The following CSMD1 variants were observed in gnomAD, a reference collection of about 807,000 sequenced individuals.
CSMD1 encodes the protein CUB and sushi domain-containing protein 1.
A neutral mutation model predicts 417.5 loss-of-function variants in CSMD1; 213 were observed. The observed-to-expected ratio is 0.51, with a 90% confidence interval of 0.46 to 0.57. The LOEUF (loss-of-function observed/expected upper bound fraction) is 0.57. Ranked by LOEUF, CSMD1 falls within the 20% of genes least tolerant of loss-of-function variation. The pLI, the probability that CSMD1 is intolerant of heterozygous loss-of-function variation, is 0.00. For synonymous variants in CSMD1, 2,862 were observed against 1,736.8 expected (o/e 1.65, Z -16.11); for missense variants, 6,923 against 4,529.7 (o/e 1.53, Z -15.17).
chr8:3,225,513 C>T (rs1294709287), intron 27 of CSMD1, among the ~76,000 whole-genome samples: 2 of 151,904 alleles, frequency 1.3e-5, no homozygotes, highest in Admixed American at 1.3e-4. Flanking sequence ...CAAGCGTGGA[C>T]CGATCAGGGA....
At chr8:3,469,393 T>G (rs1257891072) in intron 11 of CSMD1, among the ~76,000 whole-genome samples, 2 of 152,198 alleles carry the variant, frequency 1.3e-5, no homozygotes, top group Non-Finnish European at 2.9e-5. Flanking sequence ...ACAACATGCA[T>G]AGCTGAAATA....
At chr8:4,568,862 T>C (rs1316076969) in intron 2 of CSMD1, among the ~76,000 whole-genome samples, 1 of 152,234 alleles carries the variant, frequency 6.6e-6, no homozygotes, top group Non-Finnish European at 1.5e-5. Flanking sequence ...TGCATTTCTC[T>C]AATGACTAGT....
intron 12 of CSMD1, among the ~76,000 whole-genome samples, chr8:3,448,263 C>A (rs554920897): frequency 1.2e-4 from 12 of 98,182 alleles, no homozygotes. Context: ...CAAGACCATC[C>A]TTGGACAAAA....
chr8:4,547,592 C>A (rs1218641639), intron 2 of CSMD1, among the ~76,000 whole-genome samples: 1 of 152,118 alleles, frequency 6.6e-6, no homozygotes, highest in Non-Finnish European at 1.5e-5. Context: ...CAAGTAATGC[C>A]TGTGTCATTC....
intron 50 of CSMD1, chr8:3,043,699 T>C (rs137945024): frequency 1.7e-4 from 26 of 152,294 alleles, no homozygotes; most frequent in Admixed American, 1.4e-3. Flanking sequence ...TTAAACATAT[T>C]ATTAACTGAA....
Position 2,937,201 on chromosome 8 carries a change from A to T in CSMD1, c.*1384T>A, listed in dbSNP as rs1801541956. 6.6e-6 allele frequency: 1 copy of T among 152,160 alleles called. No individual in the cohort carries two copies. Among genetic ancestry groups the T allele is most frequent in the Non-Finnish European group, 1.5e-5 (1 of 68,032 alleles). The allele number at this position is 152,160 out of a possible 1,614,324, so 9.4% of individuals were successfully genotyped here. ...TAACTTATCATTTACCTATAATGGA[A>T]TTTAAACTTGAAAAGTCACTGAAAT... On this transcript the variant is annotated 3_prime_UTR_variant, in exon 70 of 70. Coordinates refer to ENST00000635120, the MANE Select transcript of CSMD1 (RefSeq NM_033225.6).
intron 1 of CSMD1, among the ~76,000 whole-genome samples, chr8:4,984,473 A>G (rs963398636): frequency 3.3e-5 from 5 of 152,186 alleles, no homozygotes; most frequent in African/African-American, 9.6e-5. Context: ...TTATAGGACC[A>G]TTTACCTGCT....
rs1034589382 is a variant in CSMD1, at chr8:4,923,061, A to G, written c.85+71271T>C. On this transcript the variant is annotated intron_variant, in intron 1 of 69. Coordinates refer to ENST00000635120, the MANE Select transcript of CSMD1 (RefSeq NM_033225.6). ...CAGGCATAACTCCAAGAATTTTCCA[A>G]CTTAGGGGAACAATCTTAAAAAATG... is the stretch of plus-strand genomic sequence containing the variant. 3.9e-5 allele frequency among the ~76,000 whole-genome samples: 6 copies of G among 152,180 alleles called. No homozygotes were observed. In the East Asian group the frequency reaches 7.7e-4, roughly 20 times the overall value.
intron 7 of CSMD1, among the ~76,000 whole-genome samples, chr8:3,670,445 T>A (rs1248782345): frequency 2.7e-5 from 4 of 150,388 alleles, no homozygotes; most frequent in Non-Finnish European, 5.9e-5. Context: ...CCTTTATATA[T>A]ATATAAATAT....
At chr8:4,296,872 C>A (rs570764494) in intron 3 of CSMD1, among the ~76,000 whole-genome samples, 2 of 151,842 alleles carry the variant, frequency 1.3e-5, no homozygotes, top group South Asian at 2.1e-4. Context: ...CTTAGACTCC[C>A]AATTTTTTTA....
At chr8:4,127,139 T>C (rs1460587327) in intron 3 of CSMD1, among the ~76,000 whole-genome samples, 1 of 152,124 alleles carries the variant, frequency 6.6e-6, no homozygotes, top group Non-Finnish European at 1.5e-5. Flanking sequence ...CTCTGATCCA[T>C]CTTTGCATCT....
intron 3 of CSMD1, among the ~76,000 whole-genome samples, chr8:4,200,967 T>A (rs1173088987): frequency 6.6e-6 from 1 of 152,190 alleles, no homozygotes; most frequent in African/African-American, 2.4e-5. Context: ...CAGAAAGTTG[T>A]CTTATTAGTT....
At position 3,107,393 on chromosome 8, in the gene CSMD1, T is replaced by G. The variant is rs200368270; in HGVS notation, c.6835+325A>C. On this transcript the variant is annotated intron_variant, in intron 45 of 69. Transcript: ENST00000635120. ...GTGTCCCCCTAACTGAAAGCAAATA[T>G]CTGCCCAAGTCTGTCTCTGAATACT... Among the ~76,000 whole-genome samples the G allele has an allele frequency of 2.6e-5, 4 of 152,248 alleles. No individual in the cohort carries two copies. In the East Asian group the frequency reaches 7.7e-4, roughly 29 times the overall value.
At chr8:2,999,239 C>G (rs1252413560) in intron 53 of CSMD1, among the ~76,000 whole-genome samples, 1 of 150,510 alleles carries the variant, frequency 6.6e-6, no homozygotes, top group African/African-American at 2.4e-5. Flanking sequence ...ACTGCAACCT[C>G]CATCTCCAGG....
chr8:3,524,598 C>A (rs946466184), intron 10 of CSMD1, among the ~76,000 whole-genome samples: 3 of 150,872 alleles, frequency 2.0e-5, no homozygotes, highest in Admixed American at 1.3e-4. Flanking sequence ...CAAGGACACA[C>A]ATCCACACAC....
intron 1 of CSMD1, among the ~76,000 whole-genome samples, chr8:4,950,696 T>A (rs146691057): frequency 1.3e-5 from 2 of 152,188 alleles, no homozygotes; most frequent in African/African-American, 4.8e-5. Flanking sequence ...TTTGATTACA[T>A]TGGCAATAAA....
intron 3 of CSMD1, among the ~76,000 whole-genome samples, chr8:4,417,724 G>T (rs577047651): frequency 6.6e-6 from 1 of 152,026 alleles, no homozygotes; most frequent in African/African-American, 2.4e-5. Flanking sequence ...ATCAGAAAGA[G>T]AATTTTGTGA....
At chr8:4,958,786 C>T (rs187817421) in intron 1 of CSMD1, among the ~76,000 whole-genome samples, 227 of 152,136 alleles carry the variant, frequency 1.5e-3, no homozygotes, top group Middle Eastern at 0.01. Context: ...GTGAAAAAAG[C>T]GGGGCTTTCA....
intron 9 of CSMD1, among the ~76,000 whole-genome samples, chr8:3,578,532 T>C (rs1005596025): frequency 3.9e-5 from 6 of 152,104 alleles, no homozygotes; most frequent in Non-Finnish European, 8.8e-5. Flanking sequence ...TGTCGCCTAT[T>C]GGGGGGCTGT....
Sources: allele counts gnomAD v4.1 joint callset (sites outside exome capture counted in the v4.1 genomes callset), GRCh38; gene constraint gnomAD v4.1.1; transcripts MANE v1.5; gene names NCBI Gene and HGNC (gene_info 2026-07-23, HGNC 2026-07-21).